OTULINL: variants seen among roughly 807,000 people sequenced by gnomAD.
OTULINL encodes inactive ubiquitin thioesterase OTULINL.
OTULINL carries 42 observed loss-of-function variants against 43.9 expected under a neutral mutation model. The observed-to-expected ratio is 0.96, with a 90% confidence interval of 0.75 to 1.24. The LOEUF is 1.24. OTULINL is among the 50% of genes most tolerant of loss of function. OTULINL has a pLI of 0.00. For missense variants in OTULINL, 411 were observed against 426.4 expected (o/e 0.96, Z 0.32); for synonymous variants, 172 against 153.6 (o/e 1.12, Z -0.88).
Position 14,602,225 on chromosome 5 carries a change from C to T in OTULINL, c.391C>T (p.Arg131Ter), listed in dbSNP as rs891235736. 3.7e-6 allele frequency: 6 copies of T among 1,612,516 alleles called. No individual in the cohort carries two copies. Among genetic ancestry groups the T allele is most frequent in the Non-Finnish European group, 4.2e-6 (5 of 1,179,380 alleles). The change falls in exon 5 of 8, where the codon CGA (arginine) becomes TGA (stop). Residue 131 changes from arginine to a stop codon, truncating the protein, a stop_gained. Transcript: ENST00000274217. LOFTEE classifies it high-confidence loss of function. ...LFWRHHIKCV[R>*]QVRRDNYDAL... ...TTGGCGGCATCACATTAAATGTGTT[C>T]GACAAGTAAGGAGAGATAACTATGA... is the stretch of plus-strand genomic sequence containing the variant.
chr5:14,589,952 AT>A (rs1384692053), intron 1 of OTULINL, among the ~76,000 whole-genome samples: 2 of 151,836 alleles, frequency 1.3e-5, no homozygotes, highest in Admixed American at 6.6e-5. Context: ...AAAAAAAAAA[AT>A]TTTTTTTCAG....
At chr5:14,608,615 T>C (rs2126785869) in intron 6 of OTULINL, 133 bp from the exon 7 acceptor site, 7 of 724,628 alleles carry the variant, frequency 9.7e-6, no homozygotes, top group South Asian at 6.3e-5. Context: ...TGCCGAAAGA[T>C]AGAAAGTGAA....
intron 1 of OTULINL, among the ~76,000 whole-genome samples, chr5:14,583,303 C>T (rs1759049275): frequency 6.6e-6 from 1 of 152,230 alleles, no homozygotes; most frequent in South Asian, 2.1e-4. Flanking sequence ...CTACCTCCCA[C>T]TCTCAAAAGT....
chr5:14,600,856 T>C lies in OTULINL; in HGVS notation c.65-109T>C, dbSNP rs888899226. ...AATATTTATGTAAATCAGTGATAGA[T>C]ACTTTGCAGGTAAAATTATGCAATC... On this transcript the variant is annotated intron_variant, in intron 1 of 7. Transcript: ENST00000274217. The C allele has an allele frequency of 1.3e-4, 126 of 955,360 alleles. No individual in the cohort carries two copies. The East Asian group carries it at 3.8e-3, about 29-fold the overall frequency. The allele number at this position is 955,360 out of a possible 1,614,324, so 59.2% of individuals were successfully genotyped here. A position where few individuals can be genotyped will look rare whatever the true frequency, so the allele number is the denominator to read the frequency against.
Position 14,607,475 on chromosome 5 carries a change from GA to G in OTULINL, c.627+20del. ...AAAACACAGGTAAGTGTTTGCGGGG[GA>G]AATAAAAAGACTAGGAATAAAAGCA... On this transcript the variant is annotated intron_variant, in intron 6 of 7. Transcript: ENST00000274217. 6.2e-7 allele frequency: 1 copy of G among 1,612,112 alleles called. No individual in the cohort carries two copies. Among genetic ancestry groups the G allele is most frequent in the Non-Finnish European group, 8.5e-7 (1 of 1,179,314 alleles).
intron 1 of OTULINL, among the ~76,000 whole-genome samples, chr5:14,596,340 C>T (rs567026854): frequency 6.6e-6 from 1 of 152,298 alleles, no homozygotes; most frequent in South Asian, 2.1e-4. Context: ...CAGAATTCTC[C>T]TTGGCAGGCT....
intron 1 of OTULINL, among the ~76,000 whole-genome samples, chr5:14,600,404 C>A (rs1228412629): frequency 1.3e-5 from 2 of 152,228 alleles, no homozygotes; most frequent in African/African-American, 4.8e-5. Context: ...TGGACGAACA[C>A]AGAGGCGTCT....
intron 3 of OTULINL, 47 bp from the exon 4 acceptor site, chr5:14,601,304 G>C: frequency 1.2e-6 from 2 of 1,610,334 alleles, no homozygotes; most frequent in South Asian, 1.1e-5. Flanking sequence ...TTCAAGAAGG[G>C]AGAAGAAAGG....
At position 14,611,756 on chromosome 5, in the gene OTULINL, G is replaced by A. The variant is rs900563524; in HGVS notation, c.*1442G>A. On this transcript the variant is annotated 3_prime_UTR_variant, in exon 8 of 8. Transcript: ENST00000274217. ...GTCTGTTTTGAGTTTCAGTACATAA[G>A]AATAATTTTTAAAATCTTGCTAATT... 6.6e-6 allele frequency: 1 copy of A among 151,832 alleles called. No individual in the cohort carries two copies. Among genetic ancestry groups the A allele is most frequent in the African/African-American group, 2.4e-5 (1 of 41,318 alleles). 9.4% of individuals were successfully genotyped at this position (151,832 alleles called of 1,614,324 possible).
At chr5:14,604,020 C>T (rs1759431887) in intron 5 of OTULINL, among the ~76,000 whole-genome samples, 2 of 152,034 alleles carry the variant, frequency 1.3e-5, no homozygotes, top group Admixed American at 6.5e-5. Context: ...TTGCTAATTG[C>T]TGAGGACAAA....
chr5:14,593,857 C>G (rs924976054), intron 1 of OTULINL, among the ~76,000 whole-genome samples: 1 of 152,124 alleles, frequency 6.6e-6, no homozygotes, highest in Non-Finnish European at 1.5e-5. Context: ...TGTGCCCCAT[C>G]CTGGGGGGAT....
chr5:14,581,822 G>A lies in OTULINL; in HGVS notation c.-73G>A, dbSNP rs1759001720. 2 of 1,230,114 alleles carry A rather than the reference G, an allele frequency of 1.6e-6. No homozygotes were observed. The highest frequency in any genetic ancestry group is 4.6e-5 in the South Asian group (2 of 43,714). The allele number at this position is 1,230,114 out of a possible 1,614,324, so 76.2% of individuals were successfully genotyped here. A position where few individuals can be genotyped will look rare whatever the true frequency, so the allele number is the denominator to read the frequency against. On this transcript the variant is annotated 5_prime_UTR_variant, in exon 1 of 8. Transcript: ENST00000274217. ...AGGGAAGCGAGCCCGGGCGCCGGCG[G>A]GCGGCCGTCGCGTCTGACAGACCAC... is the stretch of plus-strand genomic sequence containing the variant.
chr5:14,593,624 G>T (rs2126774456), intron 1 of OTULINL, among the ~76,000 whole-genome samples: 1 of 152,282 alleles, frequency 6.6e-6, no homozygotes, highest in African/African-American at 2.4e-5. Context: ...TTTTATAGTT[G>T]GGTGGATTTT....
At position 14,614,872 on chromosome 5, in the gene OTULINL, C is replaced by G. The variant is rs1483133228; in HGVS notation, c.*4558C>G. 5.0e-6 allele frequency: 2 copies of G among 397,526 alleles called. No homozygotes were observed. Among genetic ancestry groups the G allele is most frequent in the African/African-American group, 4.1e-5 (2 of 48,756 alleles). The allele number at this position is 397,526 out of a possible 1,614,324, so 24.6% of individuals were successfully genotyped here. On this transcript the variant is annotated 3_prime_UTR_variant, in exon 8 of 8. Coordinates refer to ENST00000274217, the MANE Select transcript of OTULINL (RefSeq NM_019018.3). ...TAATTGACGTATTGGTCCTTATAGTCAGTACCATCAGGTCTTAGATTGTTA... is the reference window on the plus strand; with the variant it reads ...TAATTGACGTATTGGTCCTTATAGTGAGTACCATCAGGTCTTAGATTGTTA...
At position 14,610,263 on chromosome 5, in the gene OTULINL, G is replaced by T. The variant is rs1484119524; in HGVS notation, c.1020G>T (p.Glu340Asp). 6.2e-7 allele frequency: 1 copy of T among 1,613,766 alleles called. No individual in the cohort carries two copies. Among genetic ancestry groups the T allele is most frequent in the Non-Finnish European group, 8.5e-7 (1 of 1,180,024 alleles). The change falls in exon 8 of 8, where the codon GAG becomes GAT. Residue 340 changes from glutamate (E) to aspartate (D), a missense_variant. Coordinates refer to ENST00000274217, the MANE Select transcript of OTULINL (RefSeq NM_019018.3). Reference sequence around the variant, plus strand: ...AGGAGCCTCTCAGGGACTGGCCGGAGATCTCCCTGCTGACCGAGAACGACC... The same window carrying T: ...AGGAGCCTCTCAGGGACTGGCCGGATATCTCCCTGCTGACCGAGAACGACC... The part of the protein sequence containing the change: ...YPEEPLRDWP[E>D]ISLLTENDRH...
intron 4 of OTULINL, among the ~76,000 whole-genome samples, chr5:14,601,656 T>TG (rs1295646306): frequency 1.3e-5 from 2 of 152,234 alleles, no homozygotes; most frequent in African/African-American, 4.8e-5. Flanking sequence ...CTCAGGTCGA[T>TG]GAGGTCTGTA....
chr5:14,600,847 A>G, intron 1 of OTULINL, 118 bp from the exon 2 acceptor site: 1 of 865,086 alleles, frequency 1.2e-6, no homozygotes, highest in African/African-American at 1.8e-5. Flanking sequence ...TATGTAAATC[A>G]GTGATAGATA....
At chr5:14,586,900 C>A (rs575468662) in intron 1 of OTULINL, among the ~76,000 whole-genome samples, 14 of 152,026 alleles carry the variant, frequency 9.2e-5, no homozygotes, top group Non-Finnish European at 2.1e-4. Context: ...AAGCATACCT[C>A]CCTGTCCTGT....
chr5:14,593,160 G>A (rs931648093), intron 1 of OTULINL, among the ~76,000 whole-genome samples: 8 of 152,040 alleles, frequency 5.3e-5, no homozygotes, highest in Non-Finnish European at 7.4e-5. Context: ...ATCTATGTTC[G>A]TAGAATAATG....
Sources: gnomAD v4.1 joint callset for allele counts (sites outside exome capture counted in the v4.1 genomes callset) on GRCh38, gnomAD v4.1.1 for gene constraint, MANE v1.5 for transcripts, NCBI Gene and HGNC (gene_info 2026-07-23, HGNC 2026-07-21) for gene names.